Variants in IQGAP2 observed in about 807,000 individuals in gnomAD.
The protein encoded by IQGAP2 is IQ motif containing GTPase activating protein 2.
IQGAP2 carries 173 observed loss-of-function variants against 201.3 expected under a neutral mutation model. The ratio of observed to expected loss-of-function variants is 0.86; its 90% CI spans 0.76 to 0.98. The LOEUF is 0.98. Ranked by LOEUF, IQGAP2 falls within the 50% of genes least tolerant of loss-of-function variation. The pLI, the probability that IQGAP2 is intolerant of heterozygous loss-of-function variation, is 0.00. For synonymous variants in IQGAP2, 675 were observed against 673.9 expected (o/e 1.00, Z -0.03); for missense variants, 1,687 against 1,864.8 (o/e 0.90, Z 1.76).
intron 13 of IQGAP2, among the ~76,000 whole-genome samples, chr5:76,620,578 T>A (rs1489115489): frequency 6.6e-6 from 1 of 152,210 alleles, no homozygotes; most frequent in Non-Finnish European, 1.5e-5. Flanking sequence ...AGCAACTGGT[T>A]AGAAGACTGG....
At chr5:76,664,710 G>A (rs1014879833) in intron 21 of IQGAP2, among the ~76,000 whole-genome samples, 1 of 151,858 alleles carries the variant, frequency 6.6e-6, no homozygotes, top group African/African-American at 2.4e-5. Flanking sequence ...ACTGATAACA[G>A]CGCCCCGTAA....
chr5:76,542,152 T>TAA (rs111375565), intron 2 of IQGAP2, among the ~76,000 whole-genome samples: 4 of 149,594 alleles, frequency 2.7e-5, no homozygotes, highest in Admixed American at 1.3e-4. Flanking sequence ...CCATACTAAT[T>TAA]AAAAAAAAAA....
chr5:76,529,796 C>T (rs1759185070), intron 2 of IQGAP2, among the ~76,000 whole-genome samples: 2 of 151,956 alleles, frequency 1.3e-5, no homozygotes, highest in African/African-American at 2.4e-5. Flanking sequence ...AGTATTTTTG[C>T]AATCTTAGAA....
chr5:76,693,643 A>G (rs1253114697), intron 31 of IQGAP2, among the ~76,000 whole-genome samples: 1 of 152,228 alleles, frequency 6.6e-6, no homozygotes, highest in East Asian at 1.9e-4. Flanking sequence ...TAGAAAATAC[A>G]GCACCAAATT....
chr5:76,502,239 T>G (rs2150170087), intron 2 of IQGAP2, among the ~76,000 whole-genome samples: 1 of 152,328 alleles, frequency 6.6e-6, no homozygotes. Flanking sequence ...TTCTGCGAAC[T>G]CAAAGATGTG....
chr5:76,413,251 C>T (rs1751234356), intron 1 of IQGAP2, among the ~76,000 whole-genome samples: 1 of 146,690 alleles, frequency 6.8e-6, no homozygotes, highest in African/African-American at 2.5e-5. Flanking sequence ...TCACTGCAAC[C>T]TCCACCTCCC....
At chr5:76,551,893 G>A (rs1743573698) in intron 2 of IQGAP2, among the ~76,000 whole-genome samples, 2 of 146,050 alleles carry the variant, frequency 1.4e-5, no homozygotes, top group Admixed American at 1.4e-4. Context: ...GGGAGGGGAG[G>A]GGGAGGGGAG....
intron 2 of IQGAP2, among the ~76,000 whole-genome samples, chr5:76,503,021 C>T (rs1441437970): frequency 1.3e-5 from 2 of 152,042 alleles, no homozygotes; most frequent in Admixed American, 1.3e-4. Context: ...GCTGTGATTA[C>T]AGGCATGAGA....
At chr5:76,549,587 G>A (rs923527155) in intron 2 of IQGAP2, among the ~76,000 whole-genome samples, 1 of 152,044 alleles carries the variant, frequency 6.6e-6, no homozygotes, top group African/African-American at 2.4e-5. Flanking sequence ...AGATTGGGAG[G>A]CTTAAACAAC....
chr5:76,567,141 C>A (rs1367704511), intron 3 of IQGAP2, among the ~76,000 whole-genome samples: 1 of 152,202 alleles, frequency 6.6e-6, no homozygotes. Flanking sequence ...ACTGTAGAAT[C>A]AAAATACTTC....
intron 5 of IQGAP2, among the ~76,000 whole-genome samples, chr5:76,585,467 A>G (rs1347407092): frequency 6.6e-6 from 1 of 151,956 alleles, no homozygotes; most frequent in African/African-American, 2.4e-5. Flanking sequence ...TGATACAATT[A>G]TACATTTTTG....
At chr5:76,487,049 CA>C (rs1250742945) in intron 2 of IQGAP2, among the ~76,000 whole-genome samples, 1 of 151,046 alleles carries the variant, frequency 6.6e-6, no homozygotes, top group African/African-American at 2.4e-5. Flanking sequence ...ATAATAGTGA[CA>C]TTTTTACACA....
chr5:76,408,272 C>T (rs1309776864), intron 1 of IQGAP2, among the ~76,000 whole-genome samples: 3 of 152,180 alleles, frequency 2.0e-5, no homozygotes, highest in Non-Finnish European at 2.9e-5. Flanking sequence ...TCAGGTAAGT[C>T]CTACAGGGCA....
At chr5:76,546,135 A>G (rs1743081445) in intron 2 of IQGAP2, among the ~76,000 whole-genome samples, 1 of 152,160 alleles carries the variant, frequency 6.6e-6, no homozygotes, top group Admixed American at 6.5e-5. Context: ...GTCTATATCC[A>G]TTTAATACAC....
chr5:76,677,363 G>T lies in IQGAP2; in HGVS notation c.3660+13G>T, dbSNP rs1744913760. On this transcript the variant is annotated intron_variant, in intron 28 of 35. Transcript: ENST00000274364. ...CAGCACACACTCAGTAAGTGGGGAT[G>T]GGGAGCCATCTTAGCAATGGACCCA... 2 of 1,612,456 alleles carry T rather than the reference G, an allele frequency of 1.2e-6. No homozygotes were observed. The highest frequency in any genetic ancestry group is 1.7e-6 in the Non-Finnish European group (2 of 1,179,322).
chr5:76,656,068 A>T (rs1392744073), intron 20 of IQGAP2, among the ~76,000 whole-genome samples: 40 of 152,152 alleles, frequency 2.6e-4, no homozygotes, highest in Admixed American at 2.6e-3. Context: ...TGTTAAGGAA[A>T]ATCTAGGGAC....
At chr5:76,539,122 G>A (rs1759787146) in intron 2 of IQGAP2, among the ~76,000 whole-genome samples, 1 of 152,208 alleles carries the variant, frequency 6.6e-6, no homozygotes, top group Non-Finnish European at 1.5e-5. Context: ...GTGTCCTGGT[G>A]CTTGGCCCAT....
chr5:76,702,481 G>A lies in IQGAP2; in HGVS notation c.4506-1G>A. On this transcript the variant is annotated splice_acceptor_variant, in intron 34 of 35. Transcript: ENST00000274364. LOFTEE classifies it high-confidence loss of function. ...ATGTATGAATGTTCCTTTCTTCACAGGTTTAAGAATGTTACATTTGATATC... is the reference window on the plus strand; with the variant it reads ...ATGTATGAATGTTCCTTTCTTCACAAGTTTAAGAATGTTACATTTGATATC... 1.4e-6 allele frequency: 2 copies of A among 1,417,510 alleles called. No homozygotes were observed. Among genetic ancestry groups the A allele is most frequent in the Non-Finnish European group, 2.0e-6 (2 of 1,001,784 alleles). 87.8% of individuals were successfully genotyped at this position (1,417,510 alleles called of 1,614,324 possible).
At chr5:76,699,940 TCTCA>T (rs1747201112) in intron 33 of IQGAP2, among the ~76,000 whole-genome samples, 1 of 119,714 alleles carries the variant, frequency 8.4e-6, no homozygotes, top group Non-Finnish European at 1.8e-5. Context: ...TCTCTCTCTC[TCTCA>T]CTCTCGTGCT....
Sources: gnomAD v4.1 joint callset for allele counts (sites outside exome capture counted in the v4.1 genomes callset) on GRCh38, gnomAD v4.1.1 for gene constraint, MANE v1.5 for transcripts, NCBI Gene and HGNC (gene_info 2026-07-23, HGNC 2026-07-21) for gene names.